The following SARDH variants were observed in gnomAD, a reference collection of about 807,000 sequenced individuals.
SARDH encodes sarcosine dehydrogenase, mitochondrial.
A neutral mutation model predicts 109.1 loss-of-function variants in SARDH; 95 were observed. The ratio of observed to expected loss-of-function variants is 0.87; its 90% CI spans 0.74 to 1.03. The LOEUF is 1.03. Among genes scored for constraint, SARDH ranks in the 50% least tolerant of loss-of-function variants. The pLI is 0.00. For missense variants in SARDH, 1,267 were observed against 1,287.8 expected (o/e 0.98, Z 0.25); for synonymous variants, 572 against 534.8 (o/e 1.07, Z -0.96).
chr9:133,687,401 G>C (rs1830923198), intron 16 of SARDH, among the ~76,000 whole-genome samples: 1 of 152,228 alleles, frequency 6.6e-6, no homozygotes, highest in Non-Finnish European at 1.5e-5. Context: ...CTCCCAAGTA[G>C]CTGCGACTAC....
At chr9:133,729,164 T>G in intron 6 of SARDH, among the ~76,000 whole-genome samples, 1 of 150,430 alleles carries the variant, frequency 6.6e-6, no homozygotes, top group African/African-American at 2.5e-5. Context: ...GAGGAATGAG[T>G]AAGGGAGGGT....
In SARDH at chr9:133,666,878, A is replaced by C; in HGVS notation, c.2496-8T>G. The C allele has an allele frequency of 1.2e-6, 2 of 1,612,406 alleles. No individual in the cohort carries two copies. Among genetic ancestry groups the C allele is most frequent in the Non-Finnish European group, 1.7e-6 (2 of 1,179,656 alleles). Reference sequence around the variant, plus strand: ...CCAAACATGGGTACTTTGCTGGAAGAAGCAGTAGAGAAAGCTGGGGCCCCA... The same window carrying C: ...CCAAACATGGGTACTTTGCTGGAAGCAGCAGTAGAGAAAGCTGGGGCCCCA... On this transcript the variant is annotated splice_polypyrimidine_tract_variant and splice_region_variant and intron_variant, in intron 19 of 20. Transcript: ENST00000439388. This position sits in a 1 kb window ranked among gnomAD's most constrained non-coding sequence, Gnocchi z 5.2.
In SARDH at chr9:133,670,928, C is replaced by T. The variant is rs1282740035; in HGVS notation, c.2327-176G>A. 3.9e-5 allele frequency among the ~76,000 whole-genome samples: 6 copies of T among 152,282 alleles called. No homozygotes were observed. In the Middle Eastern group the frequency reaches 0.01, roughly 259 times the overall value. On this transcript the variant is annotated intron_variant, in intron 18 of 20. Transcript: ENST00000439388. The stretch of plus-strand genomic sequence containing the variant: ...CCCAACTCCAGAAGGTTCCCTGGGG[C>T]GACCGCTCCCCCGAGCAGACTGCCC...
intron 11 of SARDH, among the ~76,000 whole-genome samples, chr9:133,707,353 C>A (rs866142955): frequency 1.3e-5 from 2 of 152,088 alleles, no homozygotes; most frequent in African/African-American, 4.8e-5. Context: ...ATTACAGGCC[C>A]GGGGGCATGC....
chr9:133,712,084 A>G lies in SARDH; in HGVS notation c.1328+535T>C, dbSNP rs1330732546. 6.6e-6 allele frequency among the ~76,000 whole-genome samples: 1 copy of G among 152,178 alleles called. No homozygotes were observed. The highest frequency in any genetic ancestry group is 2.4e-5 in the African/African-American group (1 of 41,440). On this transcript the variant is annotated intron_variant, in intron 10 of 20. Coordinates refer to ENST00000439388, the MANE Select transcript of SARDH (RefSeq NM_001134707.2). This position sits in a 1 kb window ranked among gnomAD's most constrained non-coding sequence, Gnocchi z 4.1. Reference sequence around the variant, plus strand: ...CTTAGCGTTTCCATGTGCAGACCCCATGCTGGGTGCCTCACCAGTACAAAT... The same window carrying G: ...CTTAGCGTTTCCATGTGCAGACCCCGTGCTGGGTGCCTCACCAGTACAAAT...
In SARDH at chr9:133,729,816, C is replaced by A. The variant is rs769058414; in HGVS notation, c.864G>T (p.Leu288=). The change falls in exon 6 of 21, where the codon CTG becomes CTT. Residue 288 remains leucine, a synonymous_variant. Coordinates refer to ENST00000439388, the MANE Select transcript of SARDH (RefSeq NM_001134707.2). ...CGACATAGGCATGGTGCATGGCCAC[C>A]AGCGGGACCTTGACTCCAGCCATCC... is the stretch of plus-strand genomic sequence containing the variant. ...VGRMAGVKVP[L]VAMHHAYVVT... 8.7e-6 allele frequency: 14 copies of A among 1,612,600 alleles called. No individual in the cohort carries two copies. Among genetic ancestry groups the A allele is most frequent in the East Asian group, 4.5e-5 (2 of 44,890 alleles).
chr9:133,670,537 C>G (rs902710987), intron 19 of SARDH, 47 bp downstream of exon 19: 40 of 1,542,290 alleles, frequency 2.6e-5, no homozygotes, highest in Admixed American at 4.0e-5. Flanking sequence ...CCTGCCCTGG[C>G]TGTAGGCAGT....
chr9:133,713,159 T>A (rs1405361178), intron 8 of SARDH, 35 bp from the exon 9 acceptor site: 2 of 1,571,820 alleles, frequency 1.3e-6, no homozygotes, highest in African/African-American at 2.7e-5. Context: ...GAGTCCCTTT[T>A]GCAGTGCACA....
At chr9:133,701,391 G>A (rs1292797706) in intron 13 of SARDH, among the ~76,000 whole-genome samples, 3 of 152,222 alleles carry the variant, frequency 2.0e-5, no homozygotes, top group Non-Finnish European at 2.9e-5. Flanking sequence ...CCCTTTGTCG[G>A]TTTCTGCTGT....
intron 13 of SARDH, among the ~76,000 whole-genome samples, chr9:133,700,242 G>A (rs542428847): frequency 1.1e-4 from 16 of 152,216 alleles, no homozygotes; most frequent in African/African-American, 2.6e-4. Flanking sequence ...CAGAAGAATC[G>A]CTTGAACCTG....
intron 15 of SARDH, among the ~76,000 whole-genome samples, chr9:133,690,730 T>C (rs1249512360): frequency 2.0e-5 from 3 of 152,030 alleles, no homozygotes; most frequent in African/African-American, 7.2e-5. Flanking sequence ...CCATGGGGGT[T>C]AGGAGAAGGA....
chr9:133,666,957 G>T lies in SARDH; in HGVS notation c.2496-87C>A. 1 of 1,542,520 alleles carries T rather than the reference G, an allele frequency of 6.5e-7. No homozygotes were observed. On this transcript the variant is annotated intron_variant, in intron 19 of 20. Coordinates refer to ENST00000439388, the MANE Select transcript of SARDH (RefSeq NM_001134707.2). This position sits in a 1 kb window ranked among gnomAD's most constrained non-coding sequence, Gnocchi z 5.2. ...GCGGCCTGGAGGAGAATGGGGGGCT[G>T]CATGATGCACACCCAACCGTGGCTC...
chr9:133,737,621 C>T (rs1588465731), intron 1 of SARDH, among the ~76,000 whole-genome samples: 1 of 152,218 alleles, frequency 6.6e-6, no homozygotes, highest in East Asian at 1.9e-4. Flanking sequence ...AAGCCTCCCT[C>T]CTCCTTCCGA....
intron 20 of SARDH, among the ~76,000 whole-genome samples, chr9:133,664,475 C>A (rs992888433): frequency 4.6e-5 from 7 of 152,184 alleles, no homozygotes; most frequent in Non-Finnish European, 8.8e-5. Flanking sequence ...CACCCTGGCT[C>A]GGGCTCCCCA....
In SARDH at chr9:133,692,442, C is replaced by T. The variant is rs544891309; in HGVS notation, c.1921+1816G>A. Among the ~76,000 whole-genome samples, 6 of 152,270 alleles carry T rather than the reference C, an allele frequency of 3.9e-5. No homozygotes were observed. In the South Asian group the frequency reaches 6.2e-4, roughly 16 times the overall value. The stretch of plus-strand genomic sequence containing the variant: ...CCATTTCAGCTGAATGACCCAGAGA[C>T]GACCAGCGATGGGCAGGTCACACTG... On this transcript the variant is annotated intron_variant, in intron 15 of 20. Coordinates refer to ENST00000439388, the MANE Select transcript of SARDH (RefSeq NM_001134707.2). This position sits in a 1 kb window ranked among gnomAD's most constrained non-coding sequence, Gnocchi z 5.0.
At position 133,663,699 on chromosome 9, in the gene SARDH, G is replaced by T. The variant is rs145736054; in HGVS notation, c.*190C>A. ...GGGGTGGATTAGAGACTGCCTTCCA[G>T]TCAGTGACCACAGGATGGGCCATCT... On this transcript the variant is annotated 3_prime_UTR_variant, in exon 21 of 21. Coordinates refer to ENST00000439388, the MANE Select transcript of SARDH (RefSeq NM_001134707.2). 3.9e-4 allele frequency: 295 copies of T among 747,378 alleles called. 3 individuals are homozygous for T. The Middle Eastern group carries it at 4.1e-3, about 10-fold the overall frequency. 46.3% of individuals were successfully genotyped at this position (747,378 alleles called of 1,614,324 possible).
At chr9:133,724,485 C>A (rs1373468937) in intron 6 of SARDH, among the ~76,000 whole-genome samples, 3 of 152,016 alleles carry the variant, frequency 2.0e-5, no homozygotes, top group African/African-American at 7.3e-5. Context: ...TCTAGGATGA[C>A]CGGCATAAAA....
Position 133,685,355 on chromosome 9 carries a change from G to A in SARDH, c.2070-69C>T, listed in dbSNP as rs529538329. On this transcript the variant is annotated intron_variant, in intron 16 of 20. Coordinates refer to ENST00000439388, the MANE Select transcript of SARDH (RefSeq NM_001134707.2). The stretch of plus-strand genomic sequence containing the variant: ...GTGGGGCCTGGGCAGGAAAGGCCCC[G>A]GGGACCTGCCATGAGTGGGATAAGT... 145 of 1,304,428 alleles carry A rather than the reference G, an allele frequency of 1.1e-4. 1 individual carries two copies. In the African/African-American group the frequency reaches 1.2e-3, roughly 11 times the overall value. 80.8% of individuals were successfully genotyped at this position (1,304,428 alleles called of 1,614,324 possible).
rs960978013 is a variant in SARDH, at chr9:133,712,486, C to G, written c.1328+133G>C. ...CCCACCTTCTGCTGGTGGCCTTCCT[C>G]CCTCACTGCTGCCCCTTCCAGGAAG... On this transcript the variant is annotated intron_variant, in intron 10 of 20. Coordinates refer to ENST00000439388, the MANE Select transcript of SARDH (RefSeq NM_001134707.2). This position sits in a 1 kb window ranked among gnomAD's most constrained non-coding sequence, Gnocchi z 4.1. The G allele has an allele frequency of 4.0e-6, 3 of 742,124 alleles. No homozygotes were observed. Among genetic ancestry groups the G allele is most frequent in the African/African-American group, 3.4e-5 (2 of 58,000 alleles). 46.0% of individuals were successfully genotyped at this position (742,124 alleles called of 1,614,324 possible).
Sources: allele counts gnomAD v4.1 joint callset (sites outside exome capture counted in the v4.1 genomes callset), GRCh38; gene constraint gnomAD v4.1.1; non-coding constraint Gnocchi (gnomAD v3.1); transcripts MANE v1.5; gene names NCBI Gene and HGNC (gene_info 2026-07-23, HGNC 2026-07-21).